SOX6: variants seen among roughly 807,000 people sequenced by gnomAD.
SOX6 encodes the protein SRY-box transcription factor 6.
In SOX6, 11 loss-of-function variants were observed where a neutral mutation model predicts 97.8. The ratio of observed to expected loss-of-function variants is 0.11; its 90% CI spans 0.07 to 0.19. SOX6 has a LOEUF of 0.19. Among genes scored for constraint, SOX6 ranks in the 10% least tolerant of loss-of-function variants. The pLI is 1.00. For synonymous variants in SOX6, 360 were observed against 371.4 expected (o/e 0.97, Z 0.35); for missense variants, 810 against 1,039.5 (o/e 0.78, Z 3.04).
At chr11:16,560,542 C>T (rs564811564) in intron 4 of SOX6, among the ~76,000 whole-genome samples, 1 of 83,606 alleles carries the variant, frequency 1.2e-5, no homozygotes, top group African/African-American at 4.3e-5. Context: ...TATGTTTATA[C>T]GTACATATGT....
intron 4 of SOX6, among the ~76,000 whole-genome samples, chr11:16,493,155 G>C (rs1026349298): frequency 1.3e-5 from 2 of 152,114 alleles, no homozygotes; most frequent in African/African-American, 4.8e-5. Context: ...AAGTATACAA[G>C]AATGCATTAT....
At chr11:16,419,512 A>C (rs1056999829) in intron 1 of SOX6, among the ~76,000 whole-genome samples, 1 of 149,936 alleles carries the variant, frequency 6.7e-6, no homozygotes, top group Non-Finnish European at 1.5e-5. Context: ...TAGACCTGAA[A>C]ACCATAGTGA....
chr11:16,408,341 G>A (rs1447356669), intron 1 of SOX6, among the ~76,000 whole-genome samples: 4 of 152,150 alleles, frequency 2.6e-5, no homozygotes, highest in Non-Finnish European at 4.4e-5. Context: ...ATCAGAAAAG[G>A]AAAGGACCAT....
chr11:16,499,247 T>C (rs4375406), intron 4 of SOX6, among the ~76,000 whole-genome samples: 14,813 of 152,188 alleles, frequency 0.097, 837 homozygotes, highest in Non-Finnish European at 0.13. Context: ...ATAAAGATGT[T>C]CTTTGAAACC....
upstream of SOX6, among the ~76,000 whole-genome samples, chr11:16,360,381 T>C (rs528519123): frequency 6.6e-6 from 1 of 152,340 alleles, no homozygotes; most frequent in South Asian, 2.1e-4. Context: ...ATCTTACTTC[T>C]TCCAGAAGCC....
intron 3 of SOX6, among the ~76,000 whole-genome samples, chr11:16,275,914 ACTTTT>A (rs1259039746): frequency 6.6e-6 from 1 of 152,140 alleles, no homozygotes; most frequent in Non-Finnish European, 1.5e-5. Context: ...TATCTGGGAG[ACTTTT>A]CTTCTCTTTT....
chr11:16,151,303 A>G (rs1462404495), intron 6 of SOX6, among the ~76,000 whole-genome samples: 1 of 152,174 alleles, frequency 6.6e-6, no homozygotes, highest in African/African-American at 2.4e-5. Flanking sequence ...ATAGTGCGTA[A>G]CGAAAGTGAT....
intron 4 of SOX6, among the ~76,000 whole-genome samples, chr11:16,201,523 T>G (rs1232148830): frequency 1.3e-5 from 2 of 150,334 alleles, no homozygotes; most frequent in South Asian, 2.1e-4. Context: ...ATATTCTATA[T>G]ATAGATAGAT....
At chr11:16,543,029 AACAC>A (rs1005663163) in intron 4 of SOX6, among the ~76,000 whole-genome samples, 2 of 151,614 alleles carry the variant, frequency 1.3e-5, no homozygotes, top group African/African-American at 4.8e-5. Context: ...CACACACACA[AACAC>A]ACACACACAA....
intron 1 of SOX6, among the ~76,000 whole-genome samples, chr11:16,449,330 T>C (rs1364300139): frequency 1.6e-5 from 2 of 127,602 alleles, no homozygotes; most frequent in East Asian, 5.2e-4. Context: ...TCTCGCTGTG[T>C]CGCCCAGGCT....
At chr11:16,689,099 G>A (rs78552028) in intron 3 of SOX6, among the ~76,000 whole-genome samples, 4,720 of 152,118 alleles carry the variant, frequency 0.031, 116 homozygotes, top group Non-Finnish European at 0.046. Flanking sequence ...AACCTGTTTT[G>A]TCATTGATTG....
At chr11:16,063,851 G>T (rs1345541885) in intron 9 of SOX6, among the ~76,000 whole-genome samples, 1 of 151,084 alleles carries the variant, frequency 6.6e-6, no homozygotes, top group Non-Finnish European at 1.5e-5. Context: ...TTTTAAGCCT[G>T]TATTCTTTCT....
chr11:16,701,841 C>T (rs933375088), intron 3 of SOX6, among the ~76,000 whole-genome samples: 4 of 151,648 alleles, frequency 2.6e-5, no homozygotes, highest in African/African-American at 9.7e-5. Context: ...TTGCAGTGAG[C>T]CGAAATTGCG....
At chr11:16,497,283 A>G (rs1011820617) in intron 4 of SOX6, among the ~76,000 whole-genome samples, 1 of 152,204 alleles carries the variant, frequency 6.6e-6, no homozygotes, top group African/African-American at 2.4e-5. Context: ...AAACTAACAC[A>G]CAGAAAGGAC....
At chr11:16,285,925 T>G (rs1253381591) in intron 3 of SOX6, among the ~76,000 whole-genome samples, 1 of 152,100 alleles carries the variant, frequency 6.6e-6, no homozygotes, top group Non-Finnish European at 1.5e-5. Context: ...TATTTTCCAT[T>G]GTTAGAATTT....
chr11:16,362,565 A>G (rs772083980), intron 1 of SOX6, among the ~76,000 whole-genome samples: 4 of 152,144 alleles, frequency 2.6e-5, no homozygotes, highest in Non-Finnish European at 4.4e-5. Context: ...ATAATTCTCT[A>G]GAGGAAAATA....
intron 1 of SOX6, among the ~76,000 whole-genome samples, chr11:16,425,672 C>T (rs1036588102): frequency 1.3e-5 from 2 of 152,122 alleles, no homozygotes; most frequent in African/African-American, 4.8e-5. Flanking sequence ...TATACACCAA[C>T]AACAGTCAAG....
At chr11:16,641,532 T>C (rs1038371784) in intron 3 of SOX6, among the ~76,000 whole-genome samples, 2 of 152,170 alleles carry the variant, frequency 1.3e-5, no homozygotes, top group African/African-American at 4.8e-5. Context: ...TATTATTGTG[T>C]GGGAGTCTAA....
intron 1 of SOX6, among the ~76,000 whole-genome samples, chr11:16,462,696 C>T (rs770887393): frequency 6.6e-6 from 1 of 152,212 alleles, no homozygotes; most frequent in Non-Finnish European, 1.5e-5. Context: ...CTGTGCCTGG[C>T]ACCTGCCAGG....
Sources: gnomAD v4.1 joint callset for allele counts (sites outside exome capture counted in the v4.1 genomes callset) on GRCh38, gnomAD v4.1.1 for gene constraint, MANE v1.5 for transcripts, NCBI Gene and HGNC (gene_info 2026-07-23, HGNC 2026-07-21) for gene names.